The following MUSK variants were observed in gnomAD, a reference collection of about 807,000 sequenced individuals.
The protein encoded by MUSK is muscle associated receptor tyrosine kinase.
In MUSK, 55 loss-of-function variants were observed where a neutral mutation model predicts 88.7. The ratio of observed to expected loss-of-function variants is 0.62; its 90% confidence interval spans 0.50 to 0.78. The LOEUF is 0.78. MUSK is among the 30% of genes least tolerant of loss of function. MUSK has a pLI of 0.00. For missense variants in MUSK, 1,015 were observed against 1,074.3 expected (o/e 0.94, Z 0.77); for synonymous variants, 387 against 391.9 (o/e 0.99, Z 0.15).
chr9:110,749,578 A>G lies in MUSK; in HGVS notation c.913+1778A>G, dbSNP rs896730050. On this transcript the variant is annotated intron_variant, in intron 7 of 14. Transcript: ENST00000374448. ...TTGATGAGAAGTCATTTAATGATTT[A>G]GAAGAAATAAGTGCAATAGATATAT... 2.6e-5 allele frequency among the ~76,000 whole-genome samples: 4 copies of G among 152,200 alleles called. No individual in the cohort carries two copies. In the East Asian group the frequency reaches 7.7e-4, roughly 29 times the overall value.
At chr9:110,718,996 T>A (rs763940486) in intron 5 of MUSK, among the ~76,000 whole-genome samples, 4 of 152,054 alleles carry the variant, frequency 2.6e-5, no homozygotes, top group Non-Finnish European at 5.9e-5. Context: ...GCTTCATAAA[T>A]GAAGGAAAGA....
intron 10 of MUSK, 82 bp downstream of exon 10, chr9:110,776,045 C>A: frequency 1.4e-6 from 2 of 1,420,968 alleles, no homozygotes; most frequent in Non-Finnish European, 9.5e-7. Context: ...CTTAAAGCTT[C>A]TAATATTTCT....
chr9:110,697,967 T>C (rs1464302970), intron 5 of MUSK, among the ~76,000 whole-genome samples: 1 of 152,102 alleles, frequency 6.6e-6, no homozygotes, highest in Non-Finnish European at 1.5e-5. Context: ...CTGTGAGTTA[T>C]GTTATCAAAA....
intron 5 of MUSK, among the ~76,000 whole-genome samples, chr9:110,708,968 T>C (rs10512409): frequency 0.39 from 58,760 of 151,944 alleles, 11,853 homozygotes; most frequent in Non-Finnish European, 0.44. Context: ...TTTTCAGATA[T>C]TAAAATGAGA....
intron 2 of MUSK, among the ~76,000 whole-genome samples, chr9:110,683,902 T>G (rs1448048548): frequency 1.3e-5 from 2 of 152,314 alleles, no homozygotes; most frequent in African/African-American, 4.8e-5. Context: ...ATGGGTAGTT[T>G]GCAAATATTT....
chr9:110,743,138 G>C lies in MUSK; in HGVS notation c.754-4503G>C, dbSNP rs1033707012. The stretch of plus-strand genomic sequence containing the variant: ...AGTTAGTAAACTAATGCCATAGCAC[G>C]CTGCTCAGTACAATGGGTACTCTGA... On this transcript the variant is annotated intron_variant, in intron 6 of 14. Coordinates refer to ENST00000374448, the MANE Select transcript of MUSK (RefSeq NM_005592.4). Among the ~76,000 whole-genome samples the C allele has an allele frequency of 7.9e-5, 12 of 152,260 alleles. 1 individual carries two copies. The highest frequency in any genetic ancestry group is 6.2e-4 in the South Asian group (3 of 4,826).
intron 5 of MUSK, among the ~76,000 whole-genome samples, chr9:110,732,618 C>T (rs1226940853): frequency 2.6e-5 from 4 of 151,940 alleles, no homozygotes; most frequent in Admixed American, 1.3e-4. Flanking sequence ...TGAAATGTTC[C>T]TCAACCCTTT....
chr9:110,678,549 C>T (rs2076060128), intron 1 of MUSK, among the ~76,000 whole-genome samples: 1 of 152,004 alleles, frequency 6.6e-6, no homozygotes, highest in Admixed American at 6.6e-5. Context: ...GTGTTCTTTG[C>T]TAATCTAATC....
chr9:110,720,229 G>C (rs112968435), intron 5 of MUSK, among the ~76,000 whole-genome samples: 2,191 of 151,726 alleles, frequency 0.014, 52 homozygotes, highest in African/African-American at 0.05. Context: ...AAGAAGAAAA[G>C]AAATATAAAA....
chr9:110,708,510 G>T (rs1344391971), intron 5 of MUSK, among the ~76,000 whole-genome samples: 2 of 151,986 alleles, frequency 1.3e-5, no homozygotes, highest in Non-Finnish European at 2.9e-5. Context: ...ACCAAACAAA[G>T]AAAAAAATCA....
Position 110,803,159 on chromosome 9 carries a change from T to A in MUSK, c.*2171T>A, listed in dbSNP as rs1043847475. 5.3e-5 allele frequency among the ~76,000 whole-genome samples: 8 copies of A among 152,110 alleles called. No individual in the cohort carries two copies. The highest frequency in any genetic ancestry group is 1.3e-4 in the Admixed American group (2 of 15,258). ...ACATAGAAGTCAGGCTGACAGAAAA[T>A]AGAGTAACAGTAATCATAAAAATTA... On this transcript the variant is annotated 3_prime_UTR_variant, in exon 15 of 15. Transcript: ENST00000374448.
At chr9:110,678,596 A>C (rs1370300932) in intron 1 of MUSK, among the ~76,000 whole-genome samples, 1 of 151,944 alleles carries the variant, frequency 6.6e-6, no homozygotes, top group Non-Finnish European at 1.5e-5. Context: ...ATTTTACCCC[A>C]CCCTTTACTA....
intron 11 of MUSK, among the ~76,000 whole-genome samples, chr9:110,778,529 G>T (rs1465027261): frequency 6.6e-6 from 1 of 151,998 alleles, no homozygotes; most frequent in African/African-American, 2.4e-5. Context: ...AATCCAAACT[G>T]ACTAGTGTGA....
chr9:110,799,036 A>G (rs2132061364), intron 14 of MUSK, among the ~76,000 whole-genome samples: 1 of 152,306 alleles, frequency 6.6e-6, no homozygotes, highest in African/African-American at 2.4e-5. Flanking sequence ...TGAGATAGGT[A>G]AGTCCCTGTT....
At chr9:110,790,482 A>G (rs532540147) in intron 14 of MUSK, among the ~76,000 whole-genome samples, 1 of 152,334 alleles carries the variant, frequency 6.6e-6, no homozygotes, top group Admixed American at 6.5e-5. Context: ...CAGGGTTGGC[A>G]AATAGTGGAA....
rs563487695 is a variant in MUSK, at chr9:110,688,631, G to A, written c.358+1363G>A. Among the ~76,000 whole-genome samples, 10 of 151,532 alleles carry A rather than the reference G, an allele frequency of 6.6e-5. No homozygotes were observed. In the East Asian group the frequency reaches 1.6e-3, roughly 24 times the overall value. ...TCTCCCTCCCCACACCAACACCCCC[G>A]ACAGGCCCCGTGTGTGCTGTTTCCC... is the stretch of plus-strand genomic sequence containing the variant. On this transcript the variant is annotated intron_variant, in intron 3 of 14. Coordinates refer to ENST00000374448, the MANE Select transcript of MUSK (RefSeq NM_005592.4).
chr9:110,784,985 C>T lies in MUSK; in HGVS notation c.1555C>T (p.Arg519Ter). 8 of 1,613,364 alleles carry T rather than the reference C, an allele frequency of 5.0e-6. No individual in the cohort carries two copies. The highest frequency in any genetic ancestry group is 5.9e-6 in the Non-Finnish European group (7 of 1,179,718). ...LLTITTLYCC[R>*]RRKQWKNKKR... The stretch of plus-strand genomic sequence containing the variant: ...TACCATAACTACTCTCTATTGCTGC[C>T]GAAGAAGAAAACAATGGAAAAATAA... Residue 519 changes from arginine to a stop codon, truncating the protein, a stop_gained, in exon 12 of 15, where the codon CGA (arginine) becomes TGA (stop). Coordinates refer to ENST00000374448, the MANE Select transcript of MUSK (RefSeq NM_005592.4). LOFTEE classifies it high-confidence loss of function.
chr9:110,727,014 C>T (rs932354260), intron 5 of MUSK, among the ~76,000 whole-genome samples: 3 of 151,942 alleles, frequency 2.0e-5, no homozygotes, highest in African/African-American at 4.8e-5. Flanking sequence ...TACCAGGAAC[C>T]GTTACGAATA....
rs573373412 is a variant in MUSK at position 110,716,481 on chromosome 9, T to C, written c.629-17770T>C. On this transcript the variant is annotated intron_variant, in intron 5 of 14. Coordinates refer to ENST00000374448, the MANE Select transcript of MUSK (RefSeq NM_005592.4). ...CTGAGAAGCATTTATAATTTTCCAT[T>C]TTGAGAAATACTCTGTAGCATTTAT... 5.3e-5 allele frequency among the ~76,000 whole-genome samples: 8 copies of C among 150,146 alleles called. 1 individual carries two copies. The highest frequency in any genetic ancestry group is 7.6e-5 in the African/African-American group (3 of 39,722).
Sources: gnomAD v4.1 joint callset for allele counts (sites outside exome capture counted in the v4.1 genomes callset) on GRCh38, gnomAD v4.1.1 for gene constraint, MANE v1.5 for transcripts, NCBI Gene and HGNC (gene_info 2026-07-23, HGNC 2026-07-21) for gene names.